CALN1: variants seen among roughly 807,000 people sequenced by gnomAD.
CALN1 encodes the protein calneuron 1, also known as calcium-binding protein 8.
A neutral mutation model predicts 30.6 loss-of-function variants in CALN1; 17 were observed. The ratio of observed to expected loss-of-function variants is 0.56; its 90% CI spans 0.38 to 0.83. The LOEUF (loss-of-function observed/expected upper bound fraction) is 0.83, where lower values mean the gene tolerates loss of function less well. CALN1 is among the 40% of genes least tolerant of loss of function. CALN1 has a pLI of 0.00. For synonymous variants in CALN1, 156 were observed against 131.4 expected, an observed-to-expected ratio of 1.19 and a Z score of -1.28; for missense variants, 291 against 354.9, an observed-to-expected ratio of 0.82 and a Z score of 1.45.
chr7:72,437,666 CTTT>C (rs1808207606), intron 1 of CALN1, among the ~76,000 whole-genome samples: 1 of 40,010 alleles, frequency 2.5e-5, no homozygotes, highest in Non-Finnish European at 5.3e-5. Context: ...TCTTTTCTTT[CTTT>C]CTTTCCTTTT....
At chr7:72,139,358 C>A (rs987927950) in intron 3 of CALN1, among the ~76,000 whole-genome samples, 1 of 151,016 alleles carries the variant, frequency 6.6e-6, no homozygotes, top group Non-Finnish European at 1.5e-5. Flanking sequence ...CTCCACCATG[C>A]CCACCCTGGG....
At chr7:71,798,316 T>C (rs1787087296) in intron 6 of CALN1, among the ~76,000 whole-genome samples, 1 of 151,944 alleles carries the variant, frequency 6.6e-6, no homozygotes, top group African/African-American at 2.4e-5. Flanking sequence ...ATTTTATTTA[T>C]TTATTTATTT....
intron 4 of CALN1, among the ~76,000 whole-genome samples, chr7:72,054,500 C>CAT (rs1330349619): frequency 2.8e-5 from 3 of 106,112 alleles, no homozygotes; most frequent in Admixed American, 9.5e-5. Flanking sequence ...TACATATATA[C>CAT]ATATATATAC....
intron 3 of CALN1, among the ~76,000 whole-genome samples, chr7:72,132,871 C>T (rs1308815532): frequency 6.6e-6 from 1 of 152,134 alleles, no homozygotes; most frequent in Non-Finnish European, 1.5e-5. Flanking sequence ...AACCGGGCTG[C>T]AGAGCAGGAG....
chr7:71,837,854 T>C (rs1213942957), intron 5 of CALN1, among the ~76,000 whole-genome samples: 2 of 151,634 alleles, frequency 1.3e-5, no homozygotes, highest in Admixed American at 1.3e-4. Context: ...ACCAATAATT[T>C]TACCATAACA....
At chr7:72,369,722 A>T (rs1160487327) in intron 2 of CALN1, among the ~76,000 whole-genome samples, 2 of 152,154 alleles carry the variant, frequency 1.3e-5, no homozygotes, top group Non-Finnish European at 2.9e-5. Context: ...AAGTTTATAG[A>T]AGTAGAACTG....
chr7:72,101,526 G>A (rs1806666145), intron 4 of CALN1, among the ~76,000 whole-genome samples: 1 of 152,150 alleles, frequency 6.6e-6, no homozygotes, highest in Non-Finnish European at 1.5e-5. Flanking sequence ...GGGAGAACAA[G>A]CTGAGAACCG....
intron 1 of CALN1, among the ~76,000 whole-genome samples, chr7:72,431,862 A>AC (rs35702884): frequency 2.6e-4 from 40 of 151,590 alleles, no homozygotes; most frequent in African/African-American, 9.2e-4. Context: ...AAAAAAAAAA[A>AC]CTAAGTCAGA....
At chr7:71,911,427 T>G (rs1562893398) in intron 5 of CALN1, among the ~76,000 whole-genome samples, 2 of 152,204 alleles carry the variant, frequency 1.3e-5, no homozygotes, top group Non-Finnish European at 2.9e-5. Context: ...CTATATACTG[T>G]GTAGTATGTC....
At chr7:72,144,123 C>T (rs1175620974) in intron 3 of CALN1, among the ~76,000 whole-genome samples, 1 of 152,062 alleles carries the variant, frequency 6.6e-6, no homozygotes, top group Non-Finnish European at 1.5e-5. Context: ...TCACACATAA[C>T]AATATTAACT....
At chr7:72,064,799 T>C (rs917627142) in intron 4 of CALN1, among the ~76,000 whole-genome samples, 6 of 151,994 alleles carry the variant, frequency 3.9e-5, no homozygotes, top group African/African-American at 1.4e-4. Context: ...ATACTTCTGG[T>C]CCCAGGCATT....
At chr7:72,359,012 C>T (rs928509067) in intron 2 of CALN1, among the ~76,000 whole-genome samples, 3 of 151,918 alleles carry the variant, frequency 2.0e-5, no homozygotes, top group Non-Finnish European at 4.4e-5. Context: ...ACAAACCTGC[C>T]ACCTCATCAC....
intron 2 of CALN1, among the ~76,000 whole-genome samples, chr7:72,335,456 G>A (rs1801953023): frequency 6.6e-6 from 1 of 152,172 alleles, no homozygotes; most frequent in South Asian, 2.1e-4. Context: ...TTTCTGAGAA[G>A]GTCATCCCAA....
At chr7:72,448,374 A>G (rs115129087), upstream of CALN1, among the ~76,000 whole-genome samples, 2,416 of 152,178 alleles carry the variant, frequency 0.016, 58 homozygotes, top group African/African-American at 0.054. Flanking sequence ...TAGAGCACGA[A>G]TCTGTGTCAA....
rs1198215379 is a variant in CALN1 at position 71,899,251 on chromosome 7, C to T, written c.502-88759G>A. Among the ~76,000 whole-genome samples the T allele has an allele frequency of 5.3e-5, 8 of 151,126 alleles. 1 individual carries two copies. Among genetic ancestry groups the T allele is most frequent in the Admixed American group, 5.3e-4 (8 of 15,132 alleles). On this transcript the variant is annotated intron_variant, in intron 5 of 6. Coordinates refer to ENST00000395275, the MANE Select transcript of CALN1 (RefSeq NM_031468.4). Reference sequence around the variant, plus strand: ...CTCCACCTCCTGGGTTCAAGCGATTCTCCTGCCGCAGCCTCCCCAGCAGCT... The same window carrying T: ...CTCCACCTCCTGGGTTCAAGCGATTTTCCTGCCGCAGCCTCCCCAGCAGCT...
chr7:72,367,591 C>A (rs1001814785), intron 2 of CALN1, among the ~76,000 whole-genome samples: 4 of 149,488 alleles, frequency 2.7e-5, no homozygotes, highest in African/African-American at 9.7e-5. Context: ...CACTGCCACA[C>A]TCCAGCCTGG....
intron 5 of CALN1, among the ~76,000 whole-genome samples, chr7:71,942,023 AC>A (rs2129522757): frequency 6.6e-6 from 1 of 152,092 alleles, no homozygotes; most frequent in African/African-American, 2.4e-5. Context: ...ACATAGTGAA[AC>A]CCTGTCTCTA....
intron 3 of CALN1, among the ~76,000 whole-genome samples, chr7:72,180,846 C>T (rs994526323): frequency 2.6e-5 from 4 of 151,862 alleles, no homozygotes; most frequent in African/African-American, 9.7e-5. Context: ...ACCTATAATC[C>T]AAGCACTTTG....
chr7:71,872,159 G>A lies in CALN1; in HGVS notation c.502-61667C>T, dbSNP rs114090676. Among the ~76,000 whole-genome samples the A allele has an allele frequency of 2.9e-3, 443 of 152,254 alleles. 1 individual carries two copies. Among genetic ancestry groups the A allele is most frequent in the African/African-American group, 1.0e-2 (414 of 41,556 alleles). The stretch of plus-strand genomic sequence containing the variant: ...TTATCCCCTTGCTAGTTTATTCAGA[G>A]GTTGACTGTTTGCACATTTGATCTT... On this transcript the variant is annotated intron_variant, in intron 5 of 6. Coordinates refer to ENST00000395275, the MANE Select transcript of CALN1 (RefSeq NM_031468.4).
Sources: gnomAD v4.1 joint callset for allele counts (sites outside exome capture counted in the v4.1 genomes callset) on GRCh38, gnomAD v4.1.1 for gene constraint, MANE v1.5 for transcripts, NCBI Gene and HGNC (gene_info 2026-07-23, HGNC 2026-07-21) for gene names.